Variants in HDAC9 observed in about 807,000 individuals in gnomAD.
HDAC9 encodes MEF-2 interacting transcription repressor (MITR) protein.
Under a neutral mutation model 139.4 loss-of-function variants are expected in HDAC9, and 41 were observed. The observed-to-expected ratio is 0.29, with a 90% confidence interval of 0.23 to 0.38. HDAC9 has a LOEUF of 0.38. HDAC9 is among the 10% of genes least tolerant of loss of function. HDAC9 has a pLI of 1.00. For missense variants in HDAC9, 1,147 were observed against 1,297.0 expected (o/e 0.88, Z 1.78); for synonymous variants, 517 against 476.2 (o/e 1.09, Z -1.12).
chr7:18,989,880 C>T (rs1051271716), intron 25 of HDAC9, among the ~76,000 whole-genome samples: 3 of 150,414 alleles, frequency 2.0e-5, no homozygotes, highest in African/African-American at 7.4e-5. Flanking sequence ...TCACGTAGTT[C>T]TTGAGCCTTG....
chr7:18,396,079 A>ATTCCCTTACCTTCCCTTCCCTTCCC (rs1787005680), intron 1 of HDAC9, among the ~76,000 whole-genome samples: 1 of 46,444 alleles, frequency 2.2e-5, no homozygotes, highest in African/African-American at 6.1e-5. Context: ...TCAAAGTGTC[A>ATTCCCTTACCTTCCCTTCCCTTCCC]TTCCCTTCCC....
At chr7:18,922,399 G>A (rs1312493387) in intron 22 of HDAC9, among the ~76,000 whole-genome samples, 1 of 151,906 alleles carries the variant, frequency 6.6e-6, no homozygotes, top group Non-Finnish European at 1.5e-5. Context: ...GTTGTGAGAG[G>A]ATCAACTCAA....
intron 1 of HDAC9, among the ~76,000 whole-genome samples, chr7:18,377,981 G>A (rs1785123950): frequency 6.6e-6 from 1 of 152,134 alleles, no homozygotes; most frequent in Non-Finnish European, 1.5e-5. Flanking sequence ...ACTTAAAGGA[G>A]GTCTCAGATT....
chr7:19,000,685 T>C lies in HDAC9; in HGVS notation c.*4623T>C, dbSNP rs549825163. 383 of 152,338 alleles carry C rather than the reference T, an allele frequency of 2.5e-3. 4 individuals carry two copies. Among genetic ancestry groups the C allele is most frequent in the African/African-American group, 8.8e-3 (365 of 41,576 alleles). The allele number at this position is 152,338 out of a possible 1,614,324, so 9.4% of individuals were successfully genotyped here. ...TCCAATGATAAGGTAATAAGGTTGTTGCAATTTCTCAAAGCATCTTAATTC... is the reference window on the plus strand; with the variant it reads ...TCCAATGATAAGGTAATAAGGTTGTCGCAATTTCTCAAAGCATCTTAATTC... On this transcript the variant is annotated 3_prime_UTR_variant, in exon 26 of 26. Transcript: ENST00000686413.
chr7:18,644,470 T>A (rs1786723950), intron 8 of HDAC9, among the ~76,000 whole-genome samples: 1 of 152,162 alleles, frequency 6.6e-6, no homozygotes, highest in Non-Finnish European at 1.5e-5. Context: ...ATAGATGCCT[T>A]TTATTCAGAT....
intron 3 of HDAC9, 132 bp from the exon 4 acceptor site, chr7:18,590,204 A>T: frequency 1.1e-6 from 1 of 936,776 alleles, no homozygotes; most frequent in Non-Finnish European, 1.6e-6. Flanking sequence ...TCAATGATTT[A>T]CAGAAAAAGT....
At chr7:18,157,297 C>T (rs17417786) in intron 1 of HDAC9, among the ~76,000 whole-genome samples, 6,731 of 152,132 alleles carry the variant, frequency 0.044, 167 homozygotes, top group Non-Finnish European at 0.058. Context: ...TAATGTTGAA[C>T]ATCACTCTAG....
chr7:18,270,841 A>G (rs754830860), intron 2 of HDAC9, among the ~76,000 whole-genome samples: 3 of 152,178 alleles, frequency 2.0e-5, no homozygotes, highest in Non-Finnish European at 4.4e-5. Flanking sequence ...TGAATTTTAT[A>G]TCATCATTGG....
intron 1 of HDAC9, among the ~76,000 whole-genome samples, chr7:18,155,969 TCCCCAGAAC>T (rs1787168284): frequency 2.0e-5 from 3 of 152,250 alleles, no homozygotes; most frequent in Non-Finnish European, 2.9e-5. Flanking sequence ...AGCTTCCCAG[TCCCCAGAAC>T]CCCCAGAGTC....
At chr7:18,701,849 T>C (rs1159511113) in intron 12 of HDAC9, among the ~76,000 whole-genome samples, 1 of 152,192 alleles carries the variant, frequency 6.6e-6, no homozygotes. Flanking sequence ...ATCTTCCATA[T>C]TGGAGACGCA....
intron 2 of HDAC9, among the ~76,000 whole-genome samples, chr7:18,568,364 C>T (rs191915213): frequency 6.6e-6 from 1 of 152,228 alleles, no homozygotes; most frequent in African/African-American, 2.4e-5. Context: ...GCAAAGCTAA[C>T]TGTAACCTGT....
intron 1 of HDAC9, among the ~76,000 whole-genome samples, chr7:18,361,918 ATTTC>A (rs1249101293): frequency 5.3e-5 from 8 of 151,862 alleles, no homozygotes; most frequent in African/African-American, 1.9e-4. Flanking sequence ...AGTGTTCCTT[ATTTC>A]TTCCCTTCTC....
intron 17 of HDAC9, among the ~76,000 whole-genome samples, chr7:18,794,184 A>G (rs1272764268): frequency 6.6e-6 from 1 of 152,206 alleles, no homozygotes; most frequent in Admixed American, 6.5e-5. Context: ...TGGTGCTAAC[A>G]CGGCCTTTTA....
At chr7:18,330,642 C>A (rs993105276) in intron 1 of HDAC9, among the ~76,000 whole-genome samples, 7 of 151,436 alleles carry the variant, frequency 4.6e-5, no homozygotes, top group Non-Finnish European at 8.9e-5. Flanking sequence ...TACTCCCTCC[C>A]TGTTTTCTAA....
chr7:18,679,833 A>G (rs1466532810), intron 12 of HDAC9, among the ~76,000 whole-genome samples: 4 of 151,954 alleles, frequency 2.6e-5, no homozygotes, highest in African/African-American at 7.2e-5. Context: ...TTTGTATATT[A>G]TATTTTAATG....
At chr7:18,988,013 A>T (rs1430327784) in intron 25 of HDAC9, among the ~76,000 whole-genome samples, 1 of 152,202 alleles carries the variant, frequency 6.6e-6, no homozygotes, top group Non-Finnish European at 1.5e-5. Context: ...CCTTTCAAAA[A>T]ACCAGCTCCT....
At chr7:18,560,363 C>G (rs1170522643) in intron 2 of HDAC9, among the ~76,000 whole-genome samples, 7 of 152,282 alleles carry the variant, frequency 4.6e-5, no homozygotes, top group Non-Finnish European at 7.4e-5. Flanking sequence ...AATATTCACT[C>G]TATACATATT....
chr7:18,352,659 C>T (rs771414115), intron 1 of HDAC9, among the ~76,000 whole-genome samples: 12 of 151,772 alleles, frequency 7.9e-5, no homozygotes, highest in East Asian at 1.9e-4. Context: ...AACTCTTTTT[C>T]GTTATGATGG....
rs1819054103 is a variant in HDAC9, at chr7:18,557,165, GTTA to G, written c.23-28113_23-28111del. 1.3e-4 allele frequency among the ~76,000 whole-genome samples: 19 copies of G among 152,000 alleles called. 1 individual carries two copies. The South Asian group carries it at 3.9e-3, about 32-fold the overall frequency. On this transcript the variant is annotated intron_variant, in intron 2 of 25. Coordinates refer to ENST00000686413, the MANE Select transcript of HDAC9 (RefSeq NM_178425.4). ...CTACTGCAGGAATTGTATGATTGTG[GTTA>G]TTTTTAAAGCCAGAAGACGCTCTTT...
Sources: allele counts gnomAD v4.1 joint callset (sites outside exome capture counted in the v4.1 genomes callset), GRCh38; gene constraint gnomAD v4.1.1; transcripts MANE v1.5; gene names NCBI Gene and HGNC (gene_info 2026-07-23, HGNC 2026-07-21).